Variants in LRP8 observed in about 807,000 individuals in gnomAD.
LRP8 encodes LDL receptor related protein 8, also known as low-density lipoprotein receptor-related protein 8.
Under a neutral mutation model 111.6 loss-of-function variants are expected in LRP8, and 46 were observed. The observed-to-expected ratio is 0.41, with a 90% CI of 0.33 to 0.53. The LOEUF is 0.53. LRP8 is among the 20% of genes least tolerant of loss of function. LRP8 has a pLI of 0.20. For missense variants in LRP8, 959 were observed against 1,297.4 expected (o/e 0.74, Z 4.01); for synonymous variants, 464 against 511.2 (o/e 0.91, Z 1.24).
chr1:53,258,267 A>G (rs1646178424), intron 14 of LRP8, 52 bp downstream of exon 14: 1 of 1,548,956 alleles, frequency 6.5e-7, no homozygotes, highest in African/African-American at 1.4e-5. Context: ...AGATTTCAGC[A>G]GGGTAGGGTC....
chr1:53,294,125 A>G lies in LRP8; in HGVS notation c.245-4436T>C, dbSNP rs560585405. ...CAGGGTGATTCCCCAGCTGGGCTCA[A>G]GGCCATGGCTCCCTGTTTCCAGGGA... On this transcript the variant is annotated intron_variant, in intron 2 of 18. Transcript: ENST00000306052. This position sits in a 1 kb window ranked among gnomAD's most constrained non-coding sequence, Gnocchi z 4.1. Among the ~76,000 whole-genome samples the G allele has an allele frequency of 3.3e-5, 5 of 152,346 alleles. No homozygotes were observed. The highest frequency in any genetic ancestry group is 1.2e-4 in the African/African-American group (5 of 41,578).
rs189001653 is a variant in LRP8, at chr1:53,298,445, G to A, written c.245-8756C>T. Among the ~76,000 whole-genome samples, 3 of 152,296 alleles carry A rather than the reference G, an allele frequency of 2.0e-5. No individual in the cohort carries two copies. The East Asian group carries it at 5.8e-4, about 29-fold the overall frequency. On this transcript the variant is annotated intron_variant, in intron 2 of 18. Coordinates refer to ENST00000306052, the MANE Select transcript of LRP8 (RefSeq NM_004631.5). ...AAAGGGACCAAGCATTACGCAAGGGGTGCTGCTGAGAGCAGGCAGCACGCT... is the reference window on the plus strand; with the variant it reads ...AAAGGGACCAAGCATTACGCAAGGGATGCTGCTGAGAGCAGGCAGCACGCT...
intron 2 of LRP8, among the ~76,000 whole-genome samples, chr1:53,315,189 C>A (rs917166944): frequency 6.6e-6 from 1 of 152,178 alleles, no homozygotes; most frequent in African/African-American, 2.4e-5. Flanking sequence ...AGGCCTCTCC[C>A]TAATTAAACT....
At position 53,303,241 on chromosome 1, in the gene LRP8, C is replaced by T. The variant is rs1651316809; in HGVS notation, c.245-13552G>A. Among the ~76,000 whole-genome samples, 1 of 152,192 alleles carries T rather than the reference C, an allele frequency of 6.6e-6. No homozygotes were observed. Among genetic ancestry groups the T allele is most frequent in the Non-Finnish European group, 1.5e-5 (1 of 68,034 alleles). On this transcript the variant is annotated intron_variant, in intron 2 of 18. Transcript: ENST00000306052. This position sits in a 1 kb window ranked among gnomAD's most constrained non-coding sequence, Gnocchi z 4.3. ...CGAATGGGAGAGGGCCGGGGGCAGA[C>T]AGGCAAGGGGCATGGCTTAGCTGGA...
chr1:53,280,509 C>T, intron 4 of LRP8, 78 bp downstream of exon 4: 1 of 1,560,202 alleles, frequency 6.4e-7, no homozygotes, highest in East Asian at 2.3e-5. Context: ...ACTGGGCCCC[C>T]TCCCCAGAAG....
chr1:53,293,301 G>A lies in LRP8; in HGVS notation c.245-3612C>T, dbSNP rs1331503604. Among the ~76,000 whole-genome samples the A allele has an allele frequency of 6.6e-6, 1 of 152,212 alleles. No individual in the cohort carries two copies. Among genetic ancestry groups the A allele is most frequent in the Non-Finnish European group, 1.5e-5 (1 of 68,044 alleles). Reference sequence around the variant, plus strand: ...TGAGGTCAGCCCCGCCCAGGAAATGGCAGCTGCAGGGAGAGTGGTGTTTTT... The same window carrying A: ...TGAGGTCAGCCCCGCCCAGGAAATGACAGCTGCAGGGAGAGTGGTGTTTTT... On this transcript the variant is annotated intron_variant, in intron 2 of 18. Coordinates refer to ENST00000306052, the MANE Select transcript of LRP8 (RefSeq NM_004631.5). The surrounding 1 kb of genome is among the most constrained non-coding windows in gnomAD (Gnocchi z 4.9).
In LRP8 at chr1:53,262,513, C is replaced by G; in HGVS notation, c.1707G>C (p.Gly569=). 6.2e-7 allele frequency: 1 copy of G among 1,614,172 alleles called. No homozygotes were observed. Among genetic ancestry groups the G allele is most frequent in the Non-Finnish European group, 8.5e-7 (1 of 1,180,040 alleles). The change falls in exon 11 of 19, where the codon GGG becomes GGC. Residue 569 remains glycine, a synonymous_variant. Coordinates refer to ENST00000306052, the MANE Select transcript of LRP8 (RefSeq NM_004631.5). This position sits in a 1 kb window ranked among gnomAD's most constrained non-coding sequence, Gnocchi z 4.8. Reference sequence around the variant, plus strand: ...GTGTTTGCCGGTCCACACCGTTGAGCCCAGATTTCTCAATCTTGGCCTGGT... The same window carrying G: ...GTGTTTGCCGGTCCACACCGTTGAGGCCAGATTTCTCAATCTTGGCCTGGT... ...WGDQAKIEKS[G]LNGVDRQTLV... is the part of the protein sequence containing the mutation.
Position 53,327,977 on chromosome 1 carries a change from C to T in LRP8, c.-65G>A. 2.0e-6 allele frequency: 2 copies of T among 980,554 alleles called. No individual in the cohort carries two copies. The highest frequency in any genetic ancestry group is 2.4e-6 in the Non-Finnish European group (2 of 819,632). 60.7% of individuals were successfully genotyped at this position (980,554 alleles called of 1,614,324 possible). A position where few individuals can be genotyped will look rare whatever the true frequency, so the allele number is the denominator to read the frequency against. On this transcript the variant is annotated 5_prime_UTR_variant, in exon 1 of 19. Coordinates refer to ENST00000306052, the MANE Select transcript of LRP8 (RefSeq NM_004631.5). ...CGCGCCGCCGCCGCCGCGTCTCAGCCCTCCGAGTCCTTGCCGCGGCGCCGG... is the reference window on the plus strand; with the variant it reads ...CGCGCCGCCGCCGCCGCGTCTCAGCTCTCCGAGTCCTTGCCGCGGCGCCGG...
chr1:53,289,328 G>A, intron 3 of LRP8: 2 of 415,386 alleles, frequency 4.8e-6, no homozygotes, highest in African/African-American at 2.0e-5. Context: ...GCTTGACAGG[G>A]CTGTTTCTAG....
At position 53,249,333 on chromosome 1, in the gene LRP8, A is replaced by C; in HGVS notation, c.2853+47T>G. On this transcript the variant is annotated intron_variant, in intron 18 of 18. Transcript: ENST00000306052. The surrounding 1 kb of genome is among the most constrained non-coding windows in gnomAD (Gnocchi z 4.1). ...GGATTGGCTGCGCCTGCCTTGGTTC[A>C]TGCCCTCACTCACCAGCCCCTCAGA... is the stretch of plus-strand genomic sequence containing the variant. The C allele has an allele frequency of 6.3e-7, 1 of 1,592,340 alleles. No individual in the cohort carries two copies. The highest frequency in any genetic ancestry group is 1.7e-5 in the Admixed American group (1 of 57,860).
chr1:53,323,632 A>G lies in LRP8; in HGVS notation c.244+3241T>C, dbSNP rs76541030. On this transcript the variant is annotated intron_variant, in intron 2 of 18. Coordinates refer to ENST00000306052, the MANE Select transcript of LRP8 (RefSeq NM_004631.5). The stretch of plus-strand genomic sequence containing the variant: ...GAAGGTTCTTTGAGCTGAGAACTAA[A>G]GCCCCAGGAGCTTTTCCCTCTTCCA... Among the ~76,000 whole-genome samples, 478 of 152,348 alleles carry G rather than the reference A, an allele frequency of 3.1e-3. 1 individual carries two copies. Among genetic ancestry groups the G allele is most frequent in the African/African-American group, 0.011 (466 of 41,572 alleles).
chr1:53,290,972 A>G (rs1052811235), intron 2 of LRP8, among the ~76,000 whole-genome samples: 1 of 152,148 alleles, frequency 6.6e-6, no homozygotes, highest in African/African-American at 2.4e-5. Flanking sequence ...TTGAACTCAC[A>G]CATGCCCTGT....
intron 2 of LRP8, among the ~76,000 whole-genome samples, chr1:53,319,841 G>T (rs1211532563): frequency 6.6e-6 from 1 of 152,246 alleles, no homozygotes; most frequent in Non-Finnish European, 1.5e-5. Context: ...ACACCCACTA[G>T]CAGGTGCTGG....
intron 6 of LRP8, chr1:53,274,761 C>T (rs1007149976): frequency 2.4e-5 from 11 of 456,190 alleles, no homozygotes; most frequent in African/African-American, 1.0e-4. Flanking sequence ...CACACTTTCC[C>T]GCCGTCCACG....
At chr1:53,315,289 C>T (rs113900045) in intron 2 of LRP8, among the ~76,000 whole-genome samples, 9 of 152,162 alleles carry the variant, frequency 5.9e-5, no homozygotes, top group African/African-American at 1.7e-4. Flanking sequence ...TACTCCACCC[C>T]GCAGTGCAGC....
Position 53,264,333 on chromosome 1 carries a change from G to T in LRP8, c.1491C>A (p.His497Gln), listed in dbSNP as rs140567915. The change falls in exon 10 of 19, where the codon CAC becomes CAA. Residue 497 changes from histidine to glutamine, a missense_variant. Transcript: ENST00000306052. Reference sequence around the variant, plus strand: ...AGTCCACTGCCAGGCCCTCTGGAGAGTGCAACTGCTCGTCAATGAGGACCT... The same window carrying T: ...AGTCCACTGCCAGGCCCTCTGGAGATTGCAACTGCTCGTCAATGAGGACCT... ...EQEVLIDEQL[H>Q]SPEGLAVDWV... 3.1e-5 allele frequency: 50 copies of T among 1,614,134 alleles called. No homozygotes were observed. The Admixed American group carries it at 3.3e-4, about 11-fold the overall frequency.
intron 6 of LRP8, chr1:53,272,693 C>A: frequency 7.8e-7 from 1 of 1,288,296 alleles, no homozygotes; most frequent in Non-Finnish European, 1.0e-6. Context: ...CCAGGGATGA[C>A]TCAGCCAGGC....
chr1:53,273,841 C>T (rs1646833476), intron 6 of LRP8, among the ~76,000 whole-genome samples: 2 of 152,152 alleles, frequency 1.3e-5, no homozygotes, highest in Admixed American at 1.3e-4. Flanking sequence ...CTCCTCTAAG[C>T]ACCCAGGAGG....
At chr1:53,302,924 G>A (rs539432969) in intron 2 of LRP8, among the ~76,000 whole-genome samples, 116 of 149,600 alleles carry the variant, frequency 7.8e-4, no homozygotes, top group Admixed American at 1.3e-3. Flanking sequence ...GCCTAGAGCC[G>A]TACTACAGCA....
Sources: gnomAD v4.1 joint callset for allele counts (sites outside exome capture counted in the v4.1 genomes callset) on GRCh38, gnomAD v4.1.1 for gene constraint, Gnocchi (gnomAD v3.1) non-coding constraint, MANE v1.5 for transcripts, NCBI Gene and HGNC (gene_info 2026-07-23, HGNC 2026-07-21) for gene names.